CTNND2: variants seen among roughly 807,000 people sequenced by gnomAD.
CTNND2 encodes catenin delta 2.
Under a neutral mutation model 144.4 loss-of-function variants are expected in CTNND2, and 22 were observed. The ratio of observed to expected loss-of-function variants is 0.15; its 90% confidence interval spans 0.11 to 0.22. The LOEUF is 0.22. Among genes scored for constraint, CTNND2 ranks in the 10% least tolerant of loss-of-function variants. The probability of loss-of-function intolerance (pLI) is 1.00; values close to 1 mark genes in which losing one functional copy is unlikely to be tolerated. For missense variants in CTNND2, 1,353 were observed against 1,618.8 expected (o/e 0.84, Z 2.82); for synonymous variants, 751 against 695.6 (o/e 1.08, Z -1.25).
At chr5:11,720,308 T>G (rs1169181109) in intron 2 of CTNND2, among the ~76,000 whole-genome samples, 4 of 152,184 alleles carry the variant, frequency 2.6e-5, no homozygotes, top group Non-Finnish European at 1.5e-5. Flanking sequence ...ACCTATTTGT[T>G]CCTTCCAAAT....
chr5:11,445,384 T>G (rs1210856800), intron 3 of CTNND2, among the ~76,000 whole-genome samples: 1 of 152,216 alleles, frequency 6.6e-6, no homozygotes, highest in African/African-American at 2.4e-5. Context: ...CACGCACGGT[T>G]TCCCGAGATT....
At chr5:11,430,248 CAAAA>C (rs1307787997) in intron 3 of CTNND2, among the ~76,000 whole-genome samples, 1 of 38,478 alleles carries the variant, frequency 2.6e-5, no homozygotes. Flanking sequence ...GACTCCGTCT[CAAAA>C]AAAAAAAAAA....
At chr5:11,123,876 C>T (rs375873880) in intron 12 of CTNND2, among the ~76,000 whole-genome samples, 2 of 152,196 alleles carry the variant, frequency 1.3e-5, no homozygotes, top group African/African-American at 4.8e-5. Context: ...TGTATAGACT[C>T]TGAACAACAC....
intron 9 of CTNND2, among the ~76,000 whole-genome samples, chr5:11,281,584 G>A (rs954343314): frequency 2.0e-5 from 3 of 152,178 alleles, no homozygotes; most frequent in African/African-American, 7.2e-5. Flanking sequence ...CAGACTAGGT[G>A]GCATAAACAA....
chr5:11,083,132 C>A (rs61757062), intron 15 of CTNND2, among the ~76,000 whole-genome samples: 2 of 152,248 alleles, frequency 1.3e-5, no homozygotes, highest in African/African-American at 4.8e-5. Context: ...TTGCGTGATG[C>A]GTATACTTGA....
chr5:11,236,111 G>A (rs1185401590), intron 10 of CTNND2, among the ~76,000 whole-genome samples: 1 of 152,168 alleles, frequency 6.6e-6, no homozygotes, highest in African/African-American at 2.4e-5. Context: ...AAAACACAGA[G>A]CATGTTAACA....
intron 6 of CTNND2, among the ~76,000 whole-genome samples, chr5:11,394,999 G>A (rs964927281): frequency 7.9e-5 from 12 of 152,172 alleles, no homozygotes; most frequent in Non-Finnish European, 1.5e-5. Context: ...ATTAGGCCTT[G>A]TGGCAATTTA....
chr5:11,545,068 G>A (rs1775098385), intron 3 of CTNND2, among the ~76,000 whole-genome samples: 1 of 143,218 alleles, frequency 7.0e-6, no homozygotes, highest in South Asian at 2.2e-4. Context: ...GTTGCAGTGA[G>A]CCAAGATCAC....
intron 2 of CTNND2, among the ~76,000 whole-genome samples, chr5:11,705,129 G>A (rs1467026568): frequency 2.6e-5 from 4 of 152,146 alleles, no homozygotes. Flanking sequence ...AATGGTGCAG[G>A]CATAAATCAT....
At chr5:11,229,754 A>G (rs1025154422) in intron 10 of CTNND2, among the ~76,000 whole-genome samples, 5 of 151,764 alleles carry the variant, frequency 3.3e-5, no homozygotes, top group African/African-American at 1.2e-4. Context: ...ATACATATAT[A>G]TACTGTATAA....
At chr5:11,556,924 T>C (rs571154536) in intron 3 of CTNND2, among the ~76,000 whole-genome samples, 1 of 152,314 alleles carries the variant, frequency 6.6e-6, no homozygotes, top group Non-Finnish European at 1.5e-5. Context: ...GATTGCTTTA[T>C]TTAGTTGTCC....
chr5:11,038,179 G>T (rs1744281991), intron 16 of CTNND2, among the ~76,000 whole-genome samples: 1 of 152,164 alleles, frequency 6.6e-6, no homozygotes, highest in Non-Finnish European at 1.5e-5. Flanking sequence ...GGTTCATGTT[G>T]TGTAGCTTAG....
Position 11,516,381 on chromosome 5 carries a change from T to C in CTNND2, c.287+48563A>G, listed in dbSNP as rs78670951. Among the ~76,000 whole-genome samples, 924 of 152,042 alleles carry C rather than the reference T, an allele frequency of 6.1e-3. 5 individuals carry two copies. The highest frequency in any genetic ancestry group is 0.029 in the South Asian group (139 of 4,822). ...TAAATAAAAATAAAAGGCACCCATA[T>C]AGGAAATGAAGAAGTAAGACAACCT... is the stretch of plus-strand genomic sequence containing the variant. On this transcript the variant is annotated intron_variant, in intron 3 of 21. Coordinates refer to ENST00000304623, the MANE Select transcript of CTNND2 (RefSeq NM_001332.4).
chr5:11,406,344 T>C (rs1318692924), intron 5 of CTNND2, among the ~76,000 whole-genome samples: 2 of 152,148 alleles, frequency 1.3e-5, no homozygotes, highest in Non-Finnish European at 2.9e-5. Context: ...AGGACCTGGT[T>C]TCCACTATAA....
chr5:11,142,560 A>ATAAGACAGGC lies in CTNND2; in HGVS notation c.2159+17006_2159+17015dup, dbSNP rs374079822. 2.1e-3 allele frequency among the ~76,000 whole-genome samples: 315 copies of ATAAGACAGGC among 152,026 alleles called. 1 individual carries two copies. Among genetic ancestry groups the ATAAGACAGGC allele is most frequent in the African/African-American group, 7.2e-3 (297 of 41,454 alleles). On this transcript the variant is annotated intron_variant, in intron 12 of 21. Coordinates refer to ENST00000304623, the MANE Select transcript of CTNND2 (RefSeq NM_001332.4). ...AAGAAATAGAAGTATTTTGTTTTCC[A>ATAAGACAGGC]TAAGACAGGCTGTGGTACTGGAAAA... is the stretch of plus-strand genomic sequence containing the variant.
intron 16 of CTNND2, among the ~76,000 whole-genome samples, chr5:11,031,277 A>G (rs1332394894): frequency 6.6e-6 from 1 of 152,156 alleles, no homozygotes; most frequent in East Asian, 1.9e-4. Context: ...AGCAGCAATC[A>G]GCAGAAAGAA....
chr5:11,600,505 A>G (rs551808195), intron 2 of CTNND2, among the ~76,000 whole-genome samples: 3 of 152,124 alleles, frequency 2.0e-5, no homozygotes, highest in African/African-American at 7.2e-5. Flanking sequence ...CAGGAGTTCG[A>G]GACCAGTTTG....
At chr5:10,983,140 A>T (rs1313141862) in intron 20 of CTNND2, among the ~76,000 whole-genome samples, 1 of 152,208 alleles carries the variant, frequency 6.6e-6, no homozygotes, top group Admixed American at 6.5e-5. Context: ...TTTCAGAACA[A>T]CTAGAATAAT....
At chr5:11,346,952 A>G (rs1417665622) in intron 8 of CTNND2, among the ~76,000 whole-genome samples, 2 of 149,188 alleles carry the variant, frequency 1.3e-5, no homozygotes, top group Non-Finnish European at 3.0e-5. Context: ...ATACTTTCTA[A>G]GGAGGCATGG....
Sources: gnomAD v4.1 joint callset for allele counts (sites outside exome capture counted in the v4.1 genomes callset) on GRCh38, gnomAD v4.1.1 for gene constraint, MANE v1.5 for transcripts, NCBI Gene and HGNC (gene_info 2026-07-23, HGNC 2026-07-21) for gene names.